Variants in NRP2 observed in about 807,000 individuals in gnomAD.
NRP2 encodes the protein neuropilin-2.
Under a neutral mutation model 110.4 loss-of-function variants are expected in NRP2, and 52 were observed. The ratio of observed to expected loss-of-function variants is 0.47; its 90% CI spans 0.38 to 0.59. NRP2 has a LOEUF of 0.59. NRP2 is among the 20% of genes least tolerant of loss of function. NRP2 has a pLI of 0.00. For missense variants in NRP2, 1,049 were observed against 1,203.0 expected (o/e 0.87, Z 1.89); for synonymous variants, 508 against 468.9 (o/e 1.08, Z -1.08).
intron 15 of NRP2, among the ~76,000 whole-genome samples, chr2:205,781,452 C>A (rs535140413): frequency 3.3e-5 from 5 of 152,366 alleles, no homozygotes; most frequent in East Asian, 1.9e-4. Flanking sequence ...CCACTGCCCC[C>A]CTAGCTCAGA....
At chr2:205,759,075 G>C (rs952956004) in intron 12 of NRP2, among the ~76,000 whole-genome samples, 3 of 152,214 alleles carry the variant, frequency 2.0e-5, no homozygotes, top group African/African-American at 7.2e-5. Flanking sequence ...CAATATCTAT[G>C]TGTGGGTGCC....
At chr2:205,720,393 C>T (rs1323160903) in intron 3 of NRP2, among the ~76,000 whole-genome samples, 1 of 151,496 alleles carries the variant, frequency 6.6e-6, no homozygotes, top group East Asian at 2.0e-4. Context: ...CTCTTAGACT[C>T]ACTAGATGTC....
intron 7 of NRP2, among the ~76,000 whole-genome samples, chr2:205,730,053 G>A (rs567099880): frequency 2.0e-5 from 3 of 152,334 alleles, no homozygotes; most frequent in African/African-American, 7.2e-5. Context: ...CATCCTTTGT[G>A]TACTTAGAAG....
chr2:205,698,034 C>G, intron 2 of NRP2: 1 of 407,848 alleles, frequency 2.5e-6, no homozygotes, highest in Non-Finnish European at 4.6e-6. Context: ...CTACTCTTGA[C>G]TTTGGGTTAC....
intron 2 of NRP2, among the ~76,000 whole-genome samples, chr2:205,702,560 G>A (rs900497860): frequency 6.6e-6 from 1 of 152,158 alleles, no homozygotes; most frequent in Admixed American, 6.5e-5. Context: ...GATAAACAAG[G>A]TGCTCTTGTG....
rs1317094207 is a variant in NRP2 at position 205,794,888 on chromosome 2, G to T, written c.2611G>T (p.Gly871Cys). ...CACCATCATCGCCATGAGCTCACTG[G>T]GCGTCCTCCTGGGGGCCACCTGTGC... ...LITIIAMSSL[G>C]VLLGATCAGL... is the part of the protein sequence containing the mutation. The change falls in exon 17 of 17, where the codon GGC becomes TGC. Residue 871 changes from glycine to cysteine, a missense_variant. Transcript: ENST00000357785. 1 of 1,614,050 alleles carries T rather than the reference G, an allele frequency of 6.2e-7. No homozygotes were observed.
Position 205,765,576 on chromosome 2 carries a change from T to C in NRP2, c.2404+6T>C, listed in dbSNP as rs1472574968. The C allele has an allele frequency of 1.9e-6, 3 of 1,605,038 alleles. No individual in the cohort carries two copies. The East Asian group carries it at 6.7e-5, about 36-fold the overall frequency. Reference sequence around the variant, plus strand: ...CCCACTGGAGAACTGCATGGGTATGTGAATATCTGTCTCTTCATGGTTCTT... The same window carrying C: ...CCCACTGGAGAACTGCATGGGTATGCGAATATCTGTCTCTTCATGGTTCTT... On this transcript the variant is annotated splice_donor_region_variant and intron_variant, in intron 14 of 16. Transcript: ENST00000357785.
At chr2:205,732,864 A>G (rs1457641431) in intron 7 of NRP2, among the ~76,000 whole-genome samples, 1 of 151,940 alleles carries the variant, frequency 6.6e-6, no homozygotes, top group Non-Finnish European at 1.5e-5. Context: ...TTAAGTTTTC[A>G]GGAAAAACCT....
intron 1 of NRP2, among the ~76,000 whole-genome samples, chr2:205,694,349 T>C (rs2056378086): frequency 6.6e-6 from 1 of 152,238 alleles, no homozygotes; most frequent in Admixed American, 6.5e-5. Flanking sequence ...ACTTTATTCC[T>C]TTCAGCCTTG....
chr2:205,735,848 G>A (rs1010178128), intron 7 of NRP2, among the ~76,000 whole-genome samples: 10 of 152,156 alleles, frequency 6.6e-5, no homozygotes, highest in Admixed American at 2.0e-4. Context: ...GCCCTGAATC[G>A]CTTTTTAAAC....
In NRP2 at chr2:205,795,728, T is replaced by C. The variant is rs1237567569; in HGVS notation, c.*670T>C. On this transcript the variant is annotated 3_prime_UTR_variant, in exon 17 of 17. Transcript: ENST00000357785. ...CCAGGGGAAAATTGCCATTTTAGGGTCAGCATGAACAGCTCTTTCTTGTAT... is the reference window on the plus strand; with the variant it reads ...CCAGGGGAAAATTGCCATTTTAGGGCCAGCATGAACAGCTCTTTCTTGTAT... The C allele has an allele frequency of 6.6e-6, 1 of 152,564 alleles. No homozygotes were observed. The highest frequency in any genetic ancestry group is 1.9e-4 in the East Asian group (1 of 5,188). The allele number at this position is 152,564 out of a possible 1,614,324, so 9.5% of individuals were successfully genotyped here.
chr2:205,697,166 A>G (rs2056447486), intron 1 of NRP2, among the ~76,000 whole-genome samples: 1 of 152,088 alleles, frequency 6.6e-6, no homozygotes. Flanking sequence ...AGATAGAGAT[A>G]GGAGGTTGAA....
chr2:205,687,953 T>C (rs980364609), intron 1 of NRP2, among the ~76,000 whole-genome samples: 1 of 152,294 alleles, frequency 6.6e-6, no homozygotes, highest in East Asian at 1.9e-4. Flanking sequence ...GTGTTTTTCA[T>C]TTCACTCAAG....
intron 1 of NRP2, among the ~76,000 whole-genome samples, chr2:205,697,137 T>A (rs1250359985): frequency 6.6e-6 from 1 of 151,660 alleles, no homozygotes; most frequent in African/African-American, 2.4e-5. Flanking sequence ...CCGAATAAAA[T>A]GAAGGATTTA....
At chr2:205,716,045 T>C in intron 2 of NRP2, 148 bp from the exon 3 acceptor site, 1 of 846,974 alleles carries the variant, frequency 1.2e-6, no homozygotes, top group Non-Finnish European at 2.0e-6. Context: ...TTTGCCAGTC[T>C]GTACAAGCAG....
chr2:205,762,037 GC>G (rs2057831017), intron 12 of NRP2: 1 of 152,168 alleles, frequency 6.6e-6, no homozygotes, highest in Non-Finnish European at 1.5e-5. Flanking sequence ...GTCTGATTTG[GC>G]ATCAGTGTAT....
At chr2:205,716,128 G>T in intron 2 of NRP2, 65 bp from the exon 3 acceptor site, 2 of 1,521,660 alleles carry the variant, frequency 1.3e-6, no homozygotes, top group Non-Finnish European at 1.8e-6. Context: ...ATAAGTGGGA[G>T]CGACACAGTG....
intron 15 of NRP2, among the ~76,000 whole-genome samples, chr2:205,788,676 T>C (rs940750533): frequency 2.0e-5 from 3 of 152,194 alleles, no homozygotes; most frequent in Non-Finnish European, 4.4e-5. Flanking sequence ...TCCTTCCTGA[T>C]AGTGGCCCAG....
intron 7 of NRP2, among the ~76,000 whole-genome samples, chr2:205,734,660 T>C (rs1343729895): frequency 2.0e-5 from 3 of 152,182 alleles, no homozygotes; most frequent in Non-Finnish European, 4.4e-5. Flanking sequence ...CCAGCCTCTG[T>C]CCTGCATTCC....
Sources: gnomAD v4.1 joint callset for allele counts (sites outside exome capture counted in the v4.1 genomes callset) on GRCh38, gnomAD v4.1.1 for gene constraint, MANE v1.5 for transcripts, NCBI Gene and HGNC (gene_info 2026-07-23, HGNC 2026-07-21) for gene names.